Variants in PLXNB2 observed in about 807,000 individuals in gnomAD.
PLXNB2 encodes the protein plexin-B2.
In PLXNB2, 85 loss-of-function variants were observed where a neutral mutation model predicts 202.6. That is an observed-to-expected ratio of 0.42 (90% CI 0.35 to 0.50). The LOEUF is 0.50. Among genes scored for constraint, PLXNB2 ranks in the 20% least tolerant of loss-of-function variants. The pLI is 0.02. For missense variants in PLXNB2, 2,063 were observed against 2,586.2 expected (o/e 0.80, Z 4.39); for synonymous variants, 1,239 against 1,137.6 (o/e 1.09, Z -1.79).
intron 8 of PLXNB2, 102 bp downstream of exon 8, chr22:50,287,009 G>T: frequency 8.2e-7 from 1 of 1,214,948 alleles, no homozygotes; most frequent in Non-Finnish European, 1.1e-6. Context: ...GAGTGTGCCT[G>T]TGCAGAGCCT....
At chr22:50,293,206 G>T (rs1243962732) in intron 2 of PLXNB2, among the ~76,000 whole-genome samples, 1 of 152,220 alleles carries the variant, frequency 6.6e-6, no homozygotes, top group Middle Eastern at 3.2e-3. Context: ...GCCCAGCTCA[G>T]CCAGGGTCCC....
At chr22:50,277,818 C>G (rs376730676) in intron 32 of PLXNB2, 35 bp downstream of exon 32, 8 of 1,605,746 alleles carry the variant, frequency 5.0e-6, no homozygotes, top group Non-Finnish European at 6.8e-6. Context: ...GAGGCGGAGC[C>G]GGGGCTGGGC....
chr22:50,277,484 G>A, intron 33 of PLXNB2, 107 bp downstream of exon 33: 4 of 1,193,848 alleles, frequency 3.4e-6, no homozygotes, highest in Non-Finnish European at 4.6e-6. Flanking sequence ...AAGGGCTCCA[G>A]CCCAAGATAT....
intron 24 of PLXNB2, 24 bp downstream of exon 24, chr22:50,280,720 C>A: frequency 6.4e-7 from 1 of 1,552,914 alleles, no homozygotes; most frequent in East Asian, 2.4e-5. Context: ...GTGTGCCCTC[C>A]CGCCCGCCCG....
chr22:50,293,890 C>A (rs955327134), intron 2 of PLXNB2, among the ~76,000 whole-genome samples: 1 of 152,248 alleles, frequency 6.6e-6, no homozygotes, highest in East Asian at 1.9e-4. Flanking sequence ...TAAACACCAC[C>A]GTGTGCCACC....
chr22:50,300,558 C>T (rs951701898), intron 1 of PLXNB2, among the ~76,000 whole-genome samples: 12 of 152,182 alleles, frequency 7.9e-5, no homozygotes, highest in East Asian at 1.9e-4. Context: ...CGGGGCGGGG[C>T]GGGGCGGGGC....
Position 50,275,835 on chromosome 22 carries a change from C to G in PLXNB2, c.5413-27G>C, listed in dbSNP as rs752565989. 3.1e-6 allele frequency: 5 copies of G among 1,607,840 alleles called. No homozygotes were observed. The South Asian group carries it at 4.4e-5, about 14-fold the overall frequency. ...TGAGGGAGGGTCGCATCAGAGCACACCGGGGGACCGCCCAGCACCCCACCT... is the reference window on the plus strand; with the variant it reads ...TGAGGGAGGGTCGCATCAGAGCACAGCGGGGGACCGCCCAGCACCCCACCT... On this transcript the variant is annotated intron_variant, in intron 36 of 36. Transcript: ENST00000359337.
chr22:50,304,363 C>T (rs996440456), intron 1 of PLXNB2, among the ~76,000 whole-genome samples: 2 of 152,150 alleles, frequency 1.3e-5, no homozygotes, highest in Non-Finnish European at 2.9e-5. Context: ...AGGGGCCCAG[C>T]CAATCCCTTC....
In PLXNB2 at chr22:50,290,241, A is replaced by T; in HGVS notation, c.344T>A (p.Leu115His). The change falls in exon 3 of 37, where the codon CTC (leucine) becomes CAC (histidine). Residue 115 changes from leucine (L) to histidine (H), a missense_variant. By Grantham distance (99) the Leu-to-His change is moderately conservative. Transcript: ENST00000359337. The part of the protein sequence containing the change: ...PRKRLVECGS[L>H]FKGICALRAL... The stretch of plus-strand genomic sequence containing the variant: ...GCGCAGAGCGCAGATGCCCTTGAAG[A>T]GGCTGCCGCACTCCACCAGGCGCTT... 6.2e-7 allele frequency: 1 copy of T among 1,611,908 alleles called. No homozygotes were observed. Among genetic ancestry groups the T allele is most frequent in the Non-Finnish European group, 8.5e-7 (1 of 1,180,000 alleles).
chr22:50,289,072 C>G lies in PLXNB2; in HGVS notation c.1139G>C (p.Arg380Thr). 6.2e-7 allele frequency: 1 copy of G among 1,603,394 alleles called. No homozygotes were observed. Among genetic ancestry groups the G allele is most frequent in the Non-Finnish European group, 8.5e-7 (1 of 1,174,814 alleles). Residue 380 changes from arginine to threonine, a missense_variant, in exon 4 of 37, where the codon AGA becomes ACA. Arg to Thr is a moderately conservative substitution (Grantham distance 71). Coordinates refer to ENST00000359337, the MANE Select transcript of PLXNB2 (RefSeq NM_012401.4). The surrounding 1 kb of genome is among the most constrained non-coding windows in gnomAD (Gnocchi z 8.0). ...PYPLGSRDGLRGTAVLQRGGL... is the reference protein window; with the variant it reads ...PYPLGSRDGLTGTAVLQRGGL... ...TCCACGCTGCAGCACGGCTGTGCCT[C>G]TGAGCCCGTCGCGGCTGCCCAGCGG...
chr22:50,278,917 A>G lies in PLXNB2; in HGVS notation c.4484T>C (p.Ile1495Thr), dbSNP rs764907177. ...DTISQVKEKI[I>T]DQVYRGQPCS... ...GGGCTGCCCACGGTACACCTGGTCA[A>G]TGATCTTCTCCTTGACCTGGGAGAT... Residue 1495 changes from isoleucine to threonine, a missense_variant, in exon 28 of 37, where the codon ATT becomes ACT. Around this residue, in one of 2 missense-constraint regions of PLXNB2, gnomAD observed 760 missense variants for 1,109.4 expected, o/e 0.69. Transcript: ENST00000359337. The G allele has an allele frequency of 3.1e-6, 5 of 1,613,764 alleles. No individual in the cohort carries two copies. In the East Asian group the frequency reaches 8.9e-5, roughly 29 times the overall value.
chr22:50,280,686 G>A lies in PLXNB2; in HGVS notation c.3994-16C>T. 3 of 1,607,226 alleles carry A rather than the reference G, an allele frequency of 1.9e-6. No homozygotes were observed. The highest frequency in any genetic ancestry group is 2.5e-6 in the Non-Finnish European group (3 of 1,176,976). On this transcript the variant is annotated splice_polypyrimidine_tract_variant and intron_variant, in intron 24 of 36. Transcript: ENST00000359337. ...TGTGGATGAACTGTAGGGGCCGGCG[G>A]TCAAAGCCTGCCCGGCGCCACCTGT...
At chr22:50,287,497 G>A in intron 7 of PLXNB2, among the ~76,000 whole-genome samples, 170 bp downstream of exon 7, 1 of 152,114 alleles carries the variant, frequency 6.6e-6, no homozygotes, top group Non-Finnish European at 1.5e-5. Flanking sequence ...GGTCATAGGG[G>A]TCCAGGGGAC....
At chr22:50,301,560 T>G (rs28645770) in intron 1 of PLXNB2, 44,054 of 190,342 alleles carry the variant, frequency 0.23, 5,519 homozygotes, top group East Asian at 0.32. Context: ...GGCCCGCCGG[T>G]GCCCAGCCCC....
chr22:50,275,900 A>G lies in PLXNB2; in HGVS notation c.5401T>C (p.Tyr1801His), dbSNP rs779693958. 6.2e-7 allele frequency: 1 copy of G among 1,612,274 alleles called. No individual in the cohort carries two copies. Among genetic ancestry groups the G allele is most frequent in the African/African-American group, 1.3e-5 (1 of 74,824 alleles). The change falls in exon 36 of 37, where the codon TAC (tyrosine) becomes CAC (histidine). Residue 1801 changes from tyrosine (Y) to histidine (H), a missense_variant. Tyr to His is a moderately conservative substitution (Grantham distance 83, BLOSUM62 2). This residue lies in a region of PLXNB2 where 760 missense variants were observed against 1,109.4 expected (regional missense o/e 0.69). Coordinates refer to ENST00000359337, the MANE Select transcript of PLXNB2 (RefSeq NM_012401.4). ...LHQLYQYTQK[Y>H]YDEIINALEE... ...GGGCCTGACCCTACCTCGTCATAGT[A>G]CTTCTGCGTGTATTGGTAGAGCTGG...
chr22:50,290,401 G>A lies in PLXNB2; in HGVS notation c.184C>T (p.Gln62Ter). The change falls in exon 3 of 37, where the codon CAG (glutamine) becomes TAG (stop). Residue 62 changes from glutamine (Q) to a stop codon, truncating the protein, a stop_gained. Coordinates refer to ENST00000359337, the MANE Select transcript of PLXNB2 (RefSeq NM_012401.4). LOFTEE classifies it high-confidence loss of function. ...CCCGTGGCCACCTGCTGCTCCAGCT[G>A]CAGCTTCGCATCCAGCTGGTAGAGG... Reference protein sequence around the residue: ...NALYQLDAKLQLEQQVATGPA... With the variant: ...NALYQLDAKL The A allele has an allele frequency of 6.2e-7, 1 of 1,612,954 alleles. No individual in the cohort carries two copies. Among genetic ancestry groups the A allele is most frequent in the Non-Finnish European group, 8.5e-7 (1 of 1,180,002 alleles).
At chr22:50,276,097 G>A (rs2065538546) in intron 35 of PLXNB2, 134 bp from the exon 36 acceptor site, 5 of 759,064 alleles carry the variant, frequency 6.6e-6, no homozygotes, top group Non-Finnish European at 9.0e-6. Flanking sequence ...TGGCACTTGG[G>A]GCCCCCCATG....
At chr22:50,300,312 T>C in intron 1 of PLXNB2, 1 of 985,284 alleles carries the variant, frequency 1.0e-6, no homozygotes. Flanking sequence ...CAGCCGGCCA[T>C]TACCTAAGTC....
chr22:50,306,952 C>T (rs1266933456), intron 1 of PLXNB2, among the ~76,000 whole-genome samples: 1 of 152,138 alleles, frequency 6.6e-6, no homozygotes, highest in Admixed American at 6.5e-5. Context: ...GAGCAGGGTG[C>T]GGAGGGGCAG....
Sources: gnomAD v4.1 joint callset for allele counts (sites outside exome capture counted in the v4.1 genomes callset) on GRCh38, gnomAD v4.1.1 for gene constraint, gnomAD v4.1.1 regional missense constraint, Gnocchi (gnomAD v3.1) non-coding constraint, MANE v1.5 for transcripts, NCBI Gene and HGNC (gene_info 2026-07-23, HGNC 2026-07-21) for gene names.